PRKN: variants seen among roughly 807,000 people sequenced by gnomAD.
The protein encoded by PRKN is E3 ubiquitin-protein ligase parkin.
PRKN carries 56 observed loss-of-function variants against 59.5 expected under a neutral mutation model. The ratio of observed to expected loss-of-function variants is 0.94; its 90% CI spans 0.76 to 1.18. The LOEUF (loss-of-function observed/expected upper bound fraction) is 1.18. Ranked by LOEUF, PRKN falls within the 50% of genes most tolerant of loss-of-function variation. The probability of loss-of-function intolerance (pLI) is 0.00; values close to 1 mark genes in which losing one functional copy is unlikely to be tolerated. For missense variants in PRKN, 657 were observed against 596.4 expected, an observed-to-expected ratio of 1.10 and a Z score of -1.06; for synonymous variants, 250 against 222.1, an observed-to-expected ratio of 1.13 and a Z score of -1.12.
chr6:161,597,026 G>A (rs900961644), intron 7 of PRKN, among the ~76,000 whole-genome samples: 11 of 152,176 alleles, frequency 7.2e-5, no homozygotes, highest in Non-Finnish European at 1.3e-4. Flanking sequence ...ACTGCTGGGG[G>A]CTTCTGGGGA....
intron 4 of PRKN, among the ~76,000 whole-genome samples, chr6:162,086,684 G>T (rs972767909): frequency 6.6e-6 from 1 of 152,184 alleles, no homozygotes; most frequent in African/African-American, 2.4e-5. Flanking sequence ...AGGTTGAAAA[G>T]GACACCTTCA....
intron 1 of PRKN, among the ~76,000 whole-genome samples, chr6:162,684,493 G>A (rs1779892512): frequency 6.6e-6 from 1 of 152,114 alleles, no homozygotes; most frequent in Non-Finnish European, 1.5e-5. Flanking sequence ...TACAGCATAA[G>A]TTGAATGACA....
At chr6:161,585,553 A>T (rs566492813) in intron 7 of PRKN, among the ~76,000 whole-genome samples, 1 of 152,360 alleles carries the variant, frequency 6.6e-6, no homozygotes, top group South Asian at 2.1e-4. Flanking sequence ...GTATCTAACA[A>T]TTAAGTTAAA....
chr6:161,504,715 C>T (rs13213958), intron 9 of PRKN, among the ~76,000 whole-genome samples: 98,542 of 138,696 alleles, frequency 0.71, 35,326 homozygotes, highest in Middle Eastern at 0.8. Context: ...TGATGTTCCC[C>T]CTCCTGTGTC....
chr6:162,400,438 C>A, intron 2 of PRKN, among the ~76,000 whole-genome samples: 1 of 127,380 alleles, frequency 7.9e-6, no homozygotes. Flanking sequence ...CTGACTTTCC[C>A]ACAGCAACAT....
Position 162,209,606 on chromosome 6 carries a change from A to T in PRKN, c.413-8354T>A, listed in dbSNP as rs556280148. 3.2e-4 allele frequency among the ~76,000 whole-genome samples: 48 copies of T among 152,264 alleles called. 1 individual carries two copies. Among genetic ancestry groups the T allele is most frequent in the African/African-American group, 1.0e-3 (43 of 41,532 alleles). The stretch of plus-strand genomic sequence containing the variant: ...TGACCCAGCCATGCCATTACTGGGT[A>T]TATACACCCAAAGGATTATAAATCA... On this transcript the variant is annotated intron_variant, in intron 3 of 11. Transcript: ENST00000366898.
chr6:161,497,554 GTCTCTCTCTC>G lies in PRKN; in HGVS notation c.1083+51290_1083+51299del, dbSNP rs34342732. On this transcript the variant is annotated intron_variant, in intron 9 of 11. Transcript: ENST00000366898. This position sits in a 1 kb window ranked among gnomAD's most constrained non-coding sequence, Gnocchi z 4.6. ...CTGTGTGTGTGCACAGTGCTTACAT[GTCTCTCTCTC>G]TCTCTCTCTCTCTCACACACACACA... Among the ~76,000 whole-genome samples, 6 of 148,694 alleles carry G rather than the reference GTCTCTCTCTC, an allele frequency of 4.0e-5. No homozygotes were observed. Among genetic ancestry groups the G allele is most frequent in the South Asian group, 2.2e-4 (1 of 4,620 alleles).
At chr6:161,628,637 G>A (rs894666436) in intron 7 of PRKN, among the ~76,000 whole-genome samples, 3 of 152,176 alleles carry the variant, frequency 2.0e-5, no homozygotes, top group African/African-American at 4.8e-5. Context: ...AGCCAAGAAG[G>A]CCACAAGCCA....
intron 4 of PRKN, among the ~76,000 whole-genome samples, chr6:162,186,648 T>C (rs1583169784): frequency 6.6e-6 from 1 of 151,864 alleles, no homozygotes; most frequent in South Asian, 2.1e-4. Context: ...TGGTGGGAGG[T>C]GGTTGGATCC....
At chr6:162,123,641 T>C (rs941248553) in intron 4 of PRKN, among the ~76,000 whole-genome samples, 92 of 152,306 alleles carry the variant, frequency 6.0e-4, no homozygotes, top group African/African-American at 2.1e-3. Context: ...TGTCTTCCAT[T>C]GCTCAGGAGA....
intron 2 of PRKN, among the ~76,000 whole-genome samples, chr6:162,293,994 C>G (rs1781551598): frequency 6.6e-6 from 1 of 151,986 alleles, no homozygotes; most frequent in Non-Finnish European, 1.5e-5. Context: ...AGTCTTAGGG[C>G]TTAGACATGA....
At chr6:162,361,652 T>C (rs184957677) in intron 2 of PRKN, among the ~76,000 whole-genome samples, 6 of 152,330 alleles carry the variant, frequency 3.9e-5, no homozygotes, top group Admixed American at 3.9e-4. Context: ...GCTTGTCTTT[T>C]AATTATTCTT....
intron 6 of PRKN, among the ~76,000 whole-genome samples, chr6:161,919,884 T>C (rs1318592586): frequency 6.6e-6 from 1 of 152,232 alleles, no homozygotes; most frequent in Admixed American, 6.5e-5. Flanking sequence ...TTAGGACAGA[T>C]AGTAAGCATA....
In PRKN at chr6:161,466,881, C is replaced by T. The variant is rs1464076804; in HGVS notation, c.1084-80004G>A. Among the ~76,000 whole-genome samples, 3 of 152,174 alleles carry T rather than the reference C, an allele frequency of 2.0e-5. No homozygotes were observed. The highest frequency in any genetic ancestry group is 4.4e-5 in the Non-Finnish European group (3 of 68,032). On this transcript the variant is annotated intron_variant, in intron 9 of 11. Transcript: ENST00000366898. The surrounding 1 kb of genome is among the most constrained non-coding windows in gnomAD (Gnocchi z 5.0). ...CTTTTTCCTTTCTGGGACAGTCACA[C>T]GAAGTTAGTTAATGAGGGATTTTTA... is the stretch of plus-strand genomic sequence containing the variant.
At chr6:161,842,173 G>C (rs914632604) in intron 6 of PRKN, among the ~76,000 whole-genome samples, 1 of 152,048 alleles carries the variant, frequency 6.6e-6, no homozygotes, top group Non-Finnish European at 1.5e-5. Context: ...GCATATAAGA[G>C]AGAAGTGTTT....
intron 7 of PRKN, among the ~76,000 whole-genome samples, chr6:161,745,428 A>G (rs1788373936): frequency 6.6e-6 from 1 of 152,144 alleles, no homozygotes. Context: ...TGACCTAACC[A>G]GGCGACAAGG....
At chr6:161,883,646 T>C (rs1795025796) in intron 6 of PRKN, among the ~76,000 whole-genome samples, 1 of 152,004 alleles carries the variant, frequency 6.6e-6, no homozygotes, top group African/African-American at 2.4e-5. Context: ...ATTAATTTAT[T>C]TTTATTTTTA....
intron 1 of PRKN, among the ~76,000 whole-genome samples, chr6:162,446,129 T>C (rs1371640760): frequency 6.6e-6 from 1 of 152,140 alleles, no homozygotes; most frequent in Non-Finnish European, 1.5e-5. Flanking sequence ...GAAATAAAAA[T>C]GTATTGGAAG....
chr6:162,575,159 C>T (rs919717063), intron 1 of PRKN, among the ~76,000 whole-genome samples: 1 of 152,134 alleles, frequency 6.6e-6, no homozygotes, highest in African/African-American at 2.4e-5. Context: ...GCTCGACGTC[C>T]CTCAAATTCC....
Sources: allele counts gnomAD v4.1 joint callset (sites outside exome capture counted in the v4.1 genomes callset), GRCh38; gene constraint gnomAD v4.1.1; non-coding constraint Gnocchi (gnomAD v3.1); transcripts MANE v1.5; gene names NCBI Gene and HGNC (gene_info 2026-07-23, HGNC 2026-07-21).